Variants in MPPED2 observed in about 807,000 individuals in gnomAD.
MPPED2 encodes the protein metallophosphoesterase domain containing 2.
Under a neutral mutation model 33.0 loss-of-function variants are expected in MPPED2, and 5 were observed. The ratio of observed to expected loss-of-function variants is 0.15; its 90% CI spans 0.08 to 0.32. The LOEUF (loss-of-function observed/expected upper bound fraction) is 0.32. Among genes scored for constraint, MPPED2 ranks in the 10% least tolerant of loss-of-function variants. The probability of loss-of-function intolerance (pLI) is 1.00; values close to 1 mark genes in which losing one functional copy is unlikely to be tolerated. For missense variants in MPPED2, 275 were observed against 372.1 expected, an observed-to-expected ratio of 0.74 and a Z score of 2.15; for synonymous variants, 136 against 141.9, an observed-to-expected ratio of 0.96 and a Z score of 0.29.
chr11:30,422,726 A>G (rs1393655758), intron 4 of MPPED2, among the ~76,000 whole-genome samples: 1 of 152,190 alleles, frequency 6.6e-6, no homozygotes, highest in Admixed American at 6.5e-5. Flanking sequence ...GCTGTGACTA[A>G]CAAATACCAC....
downstream of MPPED2, among the ~76,000 whole-genome samples, chr11:30,384,307 A>G (rs2133687164): frequency 6.6e-6 from 1 of 152,282 alleles, no homozygotes; most frequent in Middle Eastern, 3.4e-3. Context: ...CAACATGTAT[A>G]AAGTATGACA....
intron 2 of MPPED2, among the ~76,000 whole-genome samples, chr11:30,539,206 C>T (rs17311223): frequency 0.23 from 34,786 of 152,096 alleles, 4,301 homozygotes; most frequent in East Asian, 0.41. Context: ...CCAACTGCTA[C>T]TGGAAGATCC....
chr11:30,509,187 T>G (rs2134292329), intron 3 of MPPED2, among the ~76,000 whole-genome samples: 1 of 152,278 alleles, frequency 6.6e-6, no homozygotes, highest in African/African-American at 2.4e-5. Flanking sequence ...AGGGGCTTTT[T>G]TTACTGGGAA....
At chr11:30,463,603 C>G (rs917373809) in intron 4 of MPPED2, among the ~76,000 whole-genome samples, 1 of 152,154 alleles carries the variant, frequency 6.6e-6, no homozygotes, top group Non-Finnish European at 1.5e-5. Context: ...CCTAAGGAGA[C>G]AGCATGCCTG....
chr11:30,457,597 G>A (rs1006772121), intron 4 of MPPED2, among the ~76,000 whole-genome samples: 6 of 152,102 alleles, frequency 3.9e-5, no homozygotes, highest in Admixed American at 3.3e-4. Context: ...ATGTAAGATC[G>A]TATTTAATCC....
At chr11:30,483,783 A>G (rs1418339349) in intron 4 of MPPED2, among the ~76,000 whole-genome samples, 1 of 152,034 alleles carries the variant, frequency 6.6e-6, no homozygotes, top group African/African-American at 2.4e-5. Context: ...GCTACTTCCC[A>G]TGGCTCATGA....
chr11:30,461,280 G>A (rs1453395848), intron 4 of MPPED2, among the ~76,000 whole-genome samples: 2 of 152,158 alleles, frequency 1.3e-5, no homozygotes, highest in Non-Finnish European at 2.9e-5. Context: ...AAAAAGCTCT[G>A]GAGATGGATG....
chr11:30,416,429 G>T (rs541224166), intron 5 of MPPED2, among the ~76,000 whole-genome samples: 1 of 152,194 alleles, frequency 6.6e-6, no homozygotes, highest in Non-Finnish European at 1.5e-5. Flanking sequence ...CTTGCATTAG[G>T]AAATGAATGT....
At chr11:30,416,880 T>C (rs957761988) in intron 5 of MPPED2, among the ~76,000 whole-genome samples, 1 of 152,198 alleles carries the variant, frequency 6.6e-6, no homozygotes, top group Non-Finnish European at 1.5e-5. Flanking sequence ...AGTCAACTGA[T>C]CATTCTTTGG....
chr11:30,491,168 A>G (rs981283294), intron 4 of MPPED2, among the ~76,000 whole-genome samples: 78 of 152,326 alleles, frequency 5.1e-4, no homozygotes, highest in African/African-American at 1.8e-3. Flanking sequence ...AGTGGTACCT[A>G]TGGTATAAGT....
intron 4 of MPPED2, among the ~76,000 whole-genome samples, chr11:30,484,063 A>G (rs2134139232): frequency 6.6e-6 from 1 of 152,344 alleles, no homozygotes; most frequent in East Asian, 1.9e-4. Flanking sequence ...TTACAAATAT[A>G]GCATTGGTTT....
At chr11:30,550,334 C>G (rs1241727182) in intron 2 of MPPED2, among the ~76,000 whole-genome samples, 1 of 152,164 alleles carries the variant, frequency 6.6e-6, no homozygotes, top group Non-Finnish European at 1.5e-5. Context: ...CACTGAGTAT[C>G]TTGAACCCAT....
At chr11:30,419,320 T>A (rs926665325) in intron 4 of MPPED2, among the ~76,000 whole-genome samples, 5 of 152,156 alleles carry the variant, frequency 3.3e-5, no homozygotes, top group African/African-American at 4.8e-5. Context: ...CCAAAAACAA[T>A]GTTTGCCACC....
chr11:30,580,158 C>G, intron 2 of MPPED2, 88 bp downstream of exon 2: 1 of 1,349,944 alleles, frequency 7.4e-7, no homozygotes, highest in South Asian at 1.3e-5. Flanking sequence ...TTTAGTCTCC[C>G]TAGCAGAAGT....
intron 4 of MPPED2, among the ~76,000 whole-genome samples, chr11:30,462,393 T>C (rs2134008573): frequency 6.6e-6 from 1 of 152,258 alleles, no homozygotes; most frequent in East Asian, 1.9e-4. Context: ...TACACTCAAC[T>C]TGGGCGGGAA....
chr11:30,551,477 GT>G (rs1447654971), intron 2 of MPPED2, among the ~76,000 whole-genome samples: 1 of 152,054 alleles, frequency 6.6e-6, no homozygotes, highest in East Asian at 1.9e-4. Flanking sequence ...AAAATTGTAA[GT>G]TTTCTCCTGA....
At chr11:30,563,461 A>G (rs1330380668) in intron 2 of MPPED2, among the ~76,000 whole-genome samples, 1 of 152,174 alleles carries the variant, frequency 6.6e-6, no homozygotes, top group Non-Finnish European at 1.5e-5. Context: ...TCACCTCTAC[A>G]GAATACCCAA....
chr11:30,480,344 C>CT, intron 4 of MPPED2, among the ~76,000 whole-genome samples: 1 of 151,994 alleles, frequency 6.6e-6, no homozygotes, highest in East Asian at 1.9e-4. Context: ...TCTTTTCTTT[C>CT]TTTTTTTTAA....
At chr11:30,495,060 CTG>C (rs34037343) in intron 4 of MPPED2, 168,618 of 507,152 alleles carry the variant, frequency 0.33, 30,114 homozygotes, top group East Asian at 0.45. Context: ...GGAGGCATGA[CTG>C]TATATATCTA....
Sources: gnomAD v4.1 joint callset for allele counts (sites outside exome capture counted in the v4.1 genomes callset) on GRCh38, gnomAD v4.1.1 for gene constraint, MANE v1.5 for transcripts, NCBI Gene and HGNC (gene_info 2026-07-23, HGNC 2026-07-21) for gene names.